Variants in NALF1 observed in about 807,000 individuals in gnomAD.
The protein encoded by NALF1 is NALCN channel auxiliary factor 1, also known as family with sequence similarity 155 member A.
Under a neutral mutation model 48.4 loss-of-function variants are expected in NALF1, and 3 were observed. The observed-to-expected ratio is 0.06, with a 90% CI of 0.03 to 0.16. The LOEUF is 0.16. Among genes scored for constraint, NALF1 ranks in the 10% least tolerant of loss-of-function variants. NALF1 has a pLI of 1.00. For missense variants in NALF1, 526 were observed against 571.5 expected, an observed-to-expected ratio of 0.92 and a Z score of 0.81; for synonymous variants, 262 against 245.7, an observed-to-expected ratio of 1.07 and a Z score of -0.62.
chr13:107,633,767 A>G (rs1879897526), intron 1 of NALF1, among the ~76,000 whole-genome samples: 1 of 147,788 alleles, frequency 6.8e-6, no homozygotes, highest in Admixed American at 6.8e-5. Flanking sequence ...GAAAATATAT[A>G]TATTTATATA....
intron 1 of NALF1, among the ~76,000 whole-genome samples, chr13:107,756,435 C>CTATATATATATATA (rs148971349): frequency 0.026 from 3,607 of 140,744 alleles, 80 homozygotes; most frequent in African/African-American, 0.063. Flanking sequence ...AGTTTAATGG[C>CTATATATATATATA]TATATATATA....
At chr13:107,778,199 C>T (rs1263167320) in intron 1 of NALF1, among the ~76,000 whole-genome samples, 1 of 152,184 alleles carries the variant, frequency 6.6e-6, no homozygotes, top group Non-Finnish European at 1.5e-5. Context: ...CCCCTGCAAA[C>T]TGAGGCTGCA....
chr13:107,193,254 GC>G (rs1359545464), intron 2 of NALF1, among the ~76,000 whole-genome samples: 1 of 152,074 alleles, frequency 6.6e-6, no homozygotes, highest in Non-Finnish European at 1.5e-5. Flanking sequence ...CAGAAAGAAT[GC>G]TTTGGCTTTT....
At chr13:107,700,457 T>C (rs561873329) in intron 1 of NALF1, among the ~76,000 whole-genome samples, 2 of 151,868 alleles carry the variant, frequency 1.3e-5, no homozygotes, top group Non-Finnish European at 2.9e-5. Flanking sequence ...AAAAAAAAAT[T>C]GAAATTGGAC....
At chr13:107,856,250 T>C (rs991024122) in intron 1 of NALF1, among the ~76,000 whole-genome samples, 12 of 152,196 alleles carry the variant, frequency 7.9e-5, no homozygotes, top group Non-Finnish European at 1.6e-4. Context: ...CTTTTGATAA[T>C]GTCCCCAAAG....
At chr13:107,577,297 A>G (rs926460913) in intron 1 of NALF1, among the ~76,000 whole-genome samples, 2 of 152,206 alleles carry the variant, frequency 1.3e-5, no homozygotes, top group Admixed American at 6.5e-5. Context: ...CAAGGCAAGC[A>G]ATTTCAAGCA....
intron 1 of NALF1, among the ~76,000 whole-genome samples, chr13:107,698,841 C>T (rs910550264): frequency 5.3e-5 from 8 of 152,066 alleles, no homozygotes; most frequent in African/African-American, 1.9e-4. Context: ...GAGCACACCC[C>T]TCCTTTTTCT....
At chr13:107,740,352 A>G (rs1876596425) in intron 1 of NALF1, among the ~76,000 whole-genome samples, 1 of 152,198 alleles carries the variant, frequency 6.6e-6, no homozygotes, top group African/African-American at 2.4e-5. Context: ...GAATCAGAAG[A>G]GATACAGTCT....
At chr13:107,478,302 T>G (rs1480378042) in intron 1 of NALF1, among the ~76,000 whole-genome samples, 1 of 152,210 alleles carries the variant, frequency 6.6e-6, no homozygotes, top group Non-Finnish European at 1.5e-5. Flanking sequence ...AATGTTGAGA[T>G]TCCTAAATGT....
intron 1 of NALF1, among the ~76,000 whole-genome samples, chr13:107,515,125 AG>A (rs1372552104): frequency 1.1e-4 from 16 of 152,176 alleles, no homozygotes; most frequent in African/African-American, 3.9e-4. Flanking sequence ...GGAAGCTTTG[AG>A]GGTCAAATGC....
chr13:107,263,456 C>T (rs550213622), intron 1 of NALF1, among the ~76,000 whole-genome samples: 186 of 152,188 alleles, frequency 1.2e-3, no homozygotes, highest in African/African-American at 4.2e-3. Context: ...TTGGCTGTGG[C>T]CCCACCGAAA....
chr13:107,290,210 T>G (rs555142278), intron 1 of NALF1, among the ~76,000 whole-genome samples: 1 of 151,162 alleles, frequency 6.6e-6, no homozygotes, highest in East Asian at 2.0e-4. Context: ...CAGAAATACA[T>G]TTTGCCACAA....
intron 1 of NALF1, among the ~76,000 whole-genome samples, chr13:107,829,397 G>A (rs538413506): frequency 3.3e-5 from 5 of 152,204 alleles, no homozygotes; most frequent in South Asian, 2.1e-4. Flanking sequence ...TTTCTAGACC[G>A]AAAATACTGT....
chr13:107,357,504 A>T (rs1185284045), intron 1 of NALF1, among the ~76,000 whole-genome samples: 1 of 152,180 alleles, frequency 6.6e-6, no homozygotes, highest in Non-Finnish European at 1.5e-5. Flanking sequence ...GCCTTAGGAG[A>T]TACGTTGTGT....
intron 1 of NALF1, among the ~76,000 whole-genome samples, chr13:107,470,893 C>G (rs1885090294): frequency 6.6e-6 from 1 of 152,100 alleles, no homozygotes; most frequent in South Asian, 2.1e-4. Context: ...TAAAGGGTGA[C>G]TTTCACATAT....
chr13:107,712,899 A>G (rs1321084461), intron 1 of NALF1, among the ~76,000 whole-genome samples: 1 of 152,184 alleles, frequency 6.6e-6, no homozygotes, highest in Non-Finnish European at 1.5e-5. Flanking sequence ...TCGCTAACCC[A>G]CAAGGAAAAT....
chr13:107,367,967 T>G (rs1198292334), intron 1 of NALF1, among the ~76,000 whole-genome samples: 1 of 152,196 alleles, frequency 6.6e-6, no homozygotes, highest in Admixed American at 6.5e-5. Flanking sequence ...TTGTGGTTCT[T>G]TATGATAATA....
At chr13:107,273,733 C>A (rs1280871937) in intron 1 of NALF1, among the ~76,000 whole-genome samples, 1 of 152,156 alleles carries the variant, frequency 6.6e-6, no homozygotes, top group Non-Finnish European at 1.5e-5. Context: ...TTGAGTATTT[C>A]TGGTGAAATA....
intron 2 of NALF1, among the ~76,000 whole-genome samples, chr13:107,187,896 GT>G (rs1879209967): frequency 6.6e-6 from 1 of 151,882 alleles, no homozygotes; most frequent in African/African-American, 2.4e-5. Context: ...TATTAGGTTG[GT>G]GCAAAAGTAA....
Sources: gnomAD v4.1 joint callset for allele counts (sites outside exome capture counted in the v4.1 genomes callset) on GRCh38, gnomAD v4.1.1 for gene constraint, MANE v1.5 for transcripts, NCBI Gene and HGNC (gene_info 2026-07-23, HGNC 2026-07-21) for gene names.